The following DHRS3 variants were observed in gnomAD, a reference collection of about 807,000 sequenced individuals.
DHRS3 encodes dehydrogenase/reductase 3, also known as short-chain dehydrogenase/reductase 3.
In DHRS3, 14 loss-of-function variants were observed where a neutral mutation model predicts 27.2. That is an observed-to-expected ratio of 0.52 (90% CI 0.34 to 0.81). The LOEUF (loss-of-function observed/expected upper bound fraction) is 0.81. DHRS3 is among the 30% of genes least tolerant of loss of function. The pLI, the probability that DHRS3 is intolerant of heterozygous loss-of-function variation, is 0.01. For synonymous variants in DHRS3, 165 were observed against 175.9 expected (o/e 0.94, Z 0.49); for missense variants, 322 against 406.2 (o/e 0.79, Z 1.78).
At chr1:12,595,909 C>T (rs1646793105) in intron 1 of DHRS3, 1 of 152,112 alleles carries the variant, frequency 6.6e-6, no homozygotes. Context: ...CTGGGGTCCC[C>T]CTCCCGCCCC....
At position 12,574,987 on chromosome 1, in the gene DHRS3, G is replaced by T. The variant is rs541899217; in HGVS notation, c.699-2134C>A. 6.6e-6 allele frequency among the ~76,000 whole-genome samples: 1 copy of T among 152,254 alleles called. No homozygotes were observed. The highest frequency in any genetic ancestry group is 1.5e-5 in the Non-Finnish European group (1 of 68,014). Reference sequence around the variant, plus strand: ...GTGAGGGCCAAATGCAGCAGCACTTGTAAAGTGTCTAGTGGTTCTAGGTGG... The same window carrying T: ...GTGAGGGCCAAATGCAGCAGCACTTTTAAAGTGTCTAGTGGTTCTAGGTGG... On this transcript the variant is annotated intron_variant, in intron 4 of 5. Coordinates refer to ENST00000616661, the MANE Select transcript of DHRS3 (RefSeq NM_004753.7). The surrounding 1 kb of genome is among the most constrained non-coding windows in gnomAD (Gnocchi z 4.6).
At chr1:12,605,691 G>A (rs1159670553) in intron 1 of DHRS3, among the ~76,000 whole-genome samples, 1 of 152,108 alleles carries the variant, frequency 6.6e-6, no homozygotes, top group Non-Finnish European at 1.5e-5. Flanking sequence ...AGAAGGATAA[G>A]ACATCAGTTT....
rs895216442 is a variant in DHRS3, at chr1:12,578,969, G to T, written c.460-13C>A. The T allele has an allele frequency of 1.2e-6, 2 of 1,604,784 alleles. No individual in the cohort carries two copies. Reference sequence around the variant, plus strand: ...AGGCCTTGGTGGTCTGAGGGCAGATGGGGTGTCAGGGTGGAGCAGCTGCAG... The same window carrying T: ...AGGCCTTGGTGGTCTGAGGGCAGATTGGGTGTCAGGGTGGAGCAGCTGCAG... On this transcript the variant is annotated splice_polypyrimidine_tract_variant and intron_variant, in intron 3 of 5. Coordinates refer to ENST00000616661, the MANE Select transcript of DHRS3 (RefSeq NM_004753.7). The surrounding 1 kb of genome is among the most constrained non-coding windows in gnomAD (Gnocchi z 4.5).
chr1:12,587,775 G>T (rs1017810514), intron 1 of DHRS3, among the ~76,000 whole-genome samples: 1 of 152,092 alleles, frequency 6.6e-6, no homozygotes. Flanking sequence ...TAGAGTAAAA[G>T]CTTCCCCATG....
At chr1:12,595,386 G>C (rs943607991) in intron 1 of DHRS3, among the ~76,000 whole-genome samples, 2 of 144,858 alleles carry the variant, frequency 1.4e-5, no homozygotes, top group African/African-American at 2.5e-5. Flanking sequence ...CTGAAAGTGG[G>C]CCCAGGGGCG....
chr1:12,573,384 C>A (rs1646556660), intron 4 of DHRS3, among the ~76,000 whole-genome samples: 1 of 152,370 alleles, frequency 6.6e-6, no homozygotes, highest in East Asian at 1.9e-4. Flanking sequence ...CGCGTTCACC[C>A]CACCTAGGAA....
chr1:12,572,936 G>C, intron 4 of DHRS3, 83 bp from the exon 5 acceptor site: 1 of 1,466,876 alleles, frequency 6.8e-7, no homozygotes, highest in Non-Finnish European at 9.0e-7. Flanking sequence ...GACATGTCTG[G>C]GTCACCCTTT....
At chr1:12,588,906 G>A (rs1646721960) in intron 1 of DHRS3, among the ~76,000 whole-genome samples, 1 of 152,220 alleles carries the variant, frequency 6.6e-6, no homozygotes, top group Non-Finnish European at 1.5e-5. Context: ...CATGTCCCAT[G>A]GGCCCCATGT....
rs1646612393 is a variant in DHRS3 at position 12,578,595 on chromosome 1, A to T, written c.698+123T>A. 2 of 947,234 alleles carry T rather than the reference A, an allele frequency of 2.1e-6. No individual in the cohort carries two copies. The highest frequency in any genetic ancestry group is 3.3e-6 in the Non-Finnish European group (2 of 610,800). The allele number at this position is 947,234 out of a possible 1,614,324, so 58.7% of individuals were successfully genotyped here. A position where few individuals can be genotyped will look rare whatever the true frequency, so the allele number is the denominator to read the frequency against. ...TGGCTTCCCAAAATGCTAGGATTAT[A>T]GGTATGAGGCACCGTGCCTAGCCCG... On this transcript the variant is annotated intron_variant, in intron 4 of 5. Transcript: ENST00000616661. This position sits in a 1 kb window ranked among gnomAD's most constrained non-coding sequence, Gnocchi z 4.5.
chr1:12,611,367 G>C (rs1646908359), intron 1 of DHRS3, among the ~76,000 whole-genome samples: 1 of 152,316 alleles, frequency 6.6e-6, no homozygotes, highest in Non-Finnish European at 1.5e-5. Flanking sequence ...TGTTTGACAT[G>C]CTAGTCAGGG....
intron 1 of DHRS3, chr1:12,600,407 C>T (rs1227976578): frequency 7.1e-6 from 7 of 985,230 alleles, no homozygotes; most frequent in Non-Finnish European, 8.4e-6. Flanking sequence ...CTGCTGTGTG[C>T]TCATAGGGAA....
intron 1 of DHRS3, chr1:12,616,645 C>A: frequency 4.0e-6 from 4 of 993,790 alleles, no homozygotes; most frequent in Non-Finnish European, 4.8e-6. Context: ...CCGCTCTTCC[C>A]TTTTCAAACC....
rs553457783 is a variant in DHRS3 at position 12,568,207 on chromosome 1, G to A, written c.*133C>T. ...TCCTGGGACTGGCCCAGGGGCAGCC[G>A]GATTCTTCGCTGGGGACAGGAGCTG... On this transcript the variant is annotated 3_prime_UTR_variant, in exon 6 of 6. Transcript: ENST00000616661. The A allele has an allele frequency of 6.5e-5, 56 of 855,818 alleles. 1 individual carries two copies. Among genetic ancestry groups the A allele is most frequent in the South Asian group, 6.5e-4 (44 of 67,638 alleles). 53.0% of individuals were successfully genotyped at this position (855,818 alleles called of 1,614,324 possible). A position where few individuals can be genotyped will look rare whatever the true frequency, so the allele number is the denominator to read the frequency against.
intron 2 of DHRS3, 92 bp downstream of exon 2, chr1:12,580,431 A>G: frequency 6.3e-7 from 1 of 1,581,406 alleles, no homozygotes; most frequent in Non-Finnish European, 8.7e-7. Context: ...CCATAAGCAG[A>G]GCTCTCTTCC....
chr1:12,582,514 A>G (rs1032983611), intron 1 of DHRS3, among the ~76,000 whole-genome samples: 1 of 152,218 alleles, frequency 6.6e-6, no homozygotes, highest in Non-Finnish European at 1.5e-5. Context: ...GCAATTAAAC[A>G]GGCTCCAAGG....
chr1:12,606,576 G>A (rs1192241702), intron 1 of DHRS3, among the ~76,000 whole-genome samples: 2 of 151,946 alleles, frequency 1.3e-5, no homozygotes, highest in East Asian at 1.9e-4. Context: ...GGCAACCTCC[G>A]CCTCCCGGGT....
chr1:12,574,056 G>T lies in DHRS3; in HGVS notation c.699-1203C>A, dbSNP rs945294835. Among the ~76,000 whole-genome samples, 18 of 152,220 alleles carry T rather than the reference G, an allele frequency of 1.2e-4. No homozygotes were observed. Among genetic ancestry groups the T allele is most frequent in the Non-Finnish European group, 2.5e-4 (17 of 68,028 alleles). On this transcript the variant is annotated intron_variant, in intron 4 of 5. Coordinates refer to ENST00000616661, the MANE Select transcript of DHRS3 (RefSeq NM_004753.7). The surrounding 1 kb of genome is among the most constrained non-coding windows in gnomAD (Gnocchi z 4.6). ...GGGTGATGAATCACCCAGGTTTGAT[G>T]TCATTCCTCAGCAACAGGCAGCCCT...
At position 12,568,137 on chromosome 1, in the gene DHRS3, G is replaced by A. The variant is rs941543095; in HGVS notation, c.*203C>T. ...CAAGGTGGCTTCTGGCTGTTTTCCT[G>A]CCTCCCTGTGGGGGTCAGTTATACC... On this transcript the variant is annotated 3_prime_UTR_variant, in exon 6 of 6. Transcript: ENST00000616661. 4.9e-5 allele frequency: 26 copies of A among 529,348 alleles called. No homozygotes were observed. The highest frequency in any genetic ancestry group is 4.4e-4 in the African/African-American group (23 of 52,110). The allele number at this position is 529,348 out of a possible 1,614,324, so 32.8% of individuals were successfully genotyped here.
intron 5 of DHRS3, among the ~76,000 whole-genome samples, chr1:12,571,526 ATTTT>A (rs371364169): frequency 7.9e-6 from 1 of 126,756 alleles, no homozygotes; most frequent in Non-Finnish European, 1.6e-5. Context: ...TGTGAGGTCA[ATTTT>A]TTTTTTTTTT....
Sources: allele counts gnomAD v4.1 joint callset (sites outside exome capture counted in the v4.1 genomes callset), GRCh38; gene constraint gnomAD v4.1.1; non-coding constraint Gnocchi (gnomAD v3.1); transcripts MANE v1.5; gene names NCBI Gene and HGNC (gene_info 2026-07-23, HGNC 2026-07-21).